GRIK4: variants seen among roughly 807,000 people sequenced by gnomAD.
GRIK4 encodes glutamate receptor ionotropic, kainate 4.
Under a neutral mutation model 104.9 loss-of-function variants are expected in GRIK4, and 40 were observed. The ratio of observed to expected loss-of-function variants is 0.38; its 90% CI spans 0.30 to 0.50. The LOEUF is 0.50. GRIK4 is among the 20% of genes least tolerant of loss of function. GRIK4 has a pLI of 0.93. For missense variants in GRIK4, 1,047 were observed against 1,308.1 expected, an observed-to-expected ratio of 0.80 and a Z score of 3.08; for synonymous variants, 485 against 524.9, an observed-to-expected ratio of 0.92 and a Z score of 1.04.
chr11:120,934,741 T>C (rs1943559259), intron 13 of GRIK4, among the ~76,000 whole-genome samples: 1 of 152,132 alleles, frequency 6.6e-6, no homozygotes, highest in African/African-American at 2.4e-5. Context: ...AGAGAGGTCT[T>C]TCTCTCGGAG....
At chr11:120,657,455 C>T (rs191078879) in intron 2 of GRIK4, among the ~76,000 whole-genome samples, 2 of 152,328 alleles carry the variant, frequency 1.3e-5, no homozygotes, top group Admixed American at 1.3e-4. Context: ...CTCTGTCTTC[C>T]TCTAGCAGGT....
At chr11:120,711,518 GTC>G (rs1170193376) in intron 3 of GRIK4, among the ~76,000 whole-genome samples, 1 of 152,148 alleles carries the variant, frequency 6.6e-6, no homozygotes, top group Non-Finnish European at 1.5e-5. Flanking sequence ...TTCAAGGGGT[GTC>G]TCTCAGGATA....
chr11:120,982,700 C>A (rs1009584768), intron 20 of GRIK4, among the ~76,000 whole-genome samples: 8 of 152,110 alleles, frequency 5.3e-5, no homozygotes, highest in Admixed American at 1.3e-4. Flanking sequence ...TCCAACCCAC[C>A]CCAGGGAAGA....
At chr11:120,578,951 CG>C (rs1387771300) in intron 1 of GRIK4, among the ~76,000 whole-genome samples, 16 of 152,160 alleles carry the variant, frequency 1.1e-4, no homozygotes, top group Admixed American at 1.0e-3. Flanking sequence ...GGTTAAGTAG[CG>C]GGGGTTGAGG....
At chr11:120,855,644 G>A (rs997212316) in intron 8 of GRIK4, among the ~76,000 whole-genome samples, 3 of 150,870 alleles carry the variant, frequency 2.0e-5, no homozygotes, top group Non-Finnish European at 4.4e-5. Flanking sequence ...CTGCGACTCT[G>A]CCTCCTGGGT....
rs1944031839 is a variant in GRIK4, at chr11:120,952,726, C to T, written c.1591-129C>T. On this transcript the variant is annotated intron_variant, in intron 14 of 20. Coordinates refer to ENST00000527524, the MANE Select transcript of GRIK4 (RefSeq NM_014619.5). This position sits in a 1 kb window ranked among gnomAD's most constrained non-coding sequence, Gnocchi z 5.2. ...TTCCCAGTGTCATTTAAACCAATCA[C>T]CCAGAACCCACAGAAATGGGAACTG... 1.4e-6 allele frequency: 1 copy of T among 732,252 alleles called. No homozygotes were observed. Among genetic ancestry groups the T allele is most frequent in the East Asian group, 2.6e-5 (1 of 38,536 alleles). The allele number at this position is 732,252 out of a possible 1,614,324, so 45.4% of individuals were successfully genotyped here.
intron 3 of GRIK4, among the ~76,000 whole-genome samples, chr11:120,801,295 AGCTCACT>A (rs1249741215): frequency 1.3e-5 from 2 of 152,158 alleles, no homozygotes; most frequent in Non-Finnish European, 2.9e-5. Context: ...ACACTGTCTC[AGCTCACT>A]GCAACCTCCA....
chr11:120,899,749 C>T (rs988181469), intron 12 of GRIK4, among the ~76,000 whole-genome samples: 2 of 152,212 alleles, frequency 1.3e-5, no homozygotes, highest in Admixed American at 6.5e-5. Context: ...CTCCCCTCCC[C>T]CTTTTAACTA....
rs2850812 is a variant in GRIK4, at chr11:120,902,393, C to T, written c.1273-2897C>T. On this transcript the variant is annotated intron_variant, in intron 12 of 20. Transcript: ENST00000527524. The surrounding 1 kb of genome is among the most constrained non-coding windows in gnomAD (Gnocchi z 4.5). ...GGGCTTTCCAACGCGTCTCCAAGAC[C>T]GGCCTTGTGTCTGTTCACTTTGAAT... 0.016 allele frequency among the ~76,000 whole-genome samples: 2,470 copies of T among 152,242 alleles called. 61 individuals are homozygous for T. The highest frequency in any genetic ancestry group is 0.053 in the African/African-American group (2,213 of 41,528).
chr11:120,612,374 A>G (rs780858115), intron 1 of GRIK4, among the ~76,000 whole-genome samples: 10 of 152,194 alleles, frequency 6.6e-5, no homozygotes, highest in Admixed American at 3.9e-4. Flanking sequence ...TCCATTCTAC[A>G]TTCCGTGAGA....
chr11:120,599,948 A>G (rs1006174076), intron 1 of GRIK4, among the ~76,000 whole-genome samples: 1 of 152,216 alleles, frequency 6.6e-6, no homozygotes, highest in South Asian at 2.1e-4. Flanking sequence ...GTATGTTTGA[A>G]CATTAGAGGC....
At chr11:120,884,425 C>T (rs929906629) in intron 11 of GRIK4, among the ~76,000 whole-genome samples, 1 of 152,160 alleles carries the variant, frequency 6.6e-6, no homozygotes, top group African/African-American at 2.4e-5. Flanking sequence ...AGCGAGACGC[C>T]CAGGGCCAGG....
At chr11:120,810,756 G>A (rs1368956242) in intron 4 of GRIK4, among the ~76,000 whole-genome samples, 2 of 152,160 alleles carry the variant, frequency 1.3e-5, no homozygotes, top group African/African-American at 4.8e-5. Flanking sequence ...CTTCATTAAT[G>A]TATTAAATAG....
At position 120,819,277 on chromosome 11, in the gene GRIK4, C is replaced by T. The variant is rs1467694497; in HGVS notation, c.346-478C>T. ...AGTTTGTTGGGAGCTGGTTACTATA[C>T]ACCTGTTGGCTGGGCTGGGCTGATG... On this transcript the variant is annotated intron_variant, in intron 5 of 20. Coordinates refer to ENST00000527524, the MANE Select transcript of GRIK4 (RefSeq NM_014619.5). The surrounding 1 kb of genome is among the most constrained non-coding windows in gnomAD (Gnocchi z 4.3). 3.3e-5 allele frequency among the ~76,000 whole-genome samples: 5 copies of T among 152,192 alleles called. No homozygotes were observed. Among genetic ancestry groups the T allele is most frequent in the Non-Finnish European group, 7.4e-5 (5 of 68,018 alleles).
intron 3 of GRIK4, among the ~76,000 whole-genome samples, chr11:120,685,516 T>G (rs1950261561): frequency 6.6e-6 from 1 of 152,200 alleles, no homozygotes; most frequent in African/African-American, 2.4e-5. Context: ...TACCCCCAGA[T>G]GATGCCATCA....
chr11:120,645,575 T>C (rs1043493256), intron 1 of GRIK4, among the ~76,000 whole-genome samples: 1 of 152,164 alleles, frequency 6.6e-6, no homozygotes, highest in Non-Finnish European at 1.5e-5. Flanking sequence ...CGGATGGGAC[T>C]TCAATGCCAG....
Position 120,953,067 on chromosome 11 carries a change from T to G in GRIK4, c.1700+103T>G. 1.4e-6 allele frequency: 1 copy of G among 740,346 alleles called. No homozygotes were observed. The highest frequency in any genetic ancestry group is 2.3e-6 in the Non-Finnish European group (1 of 431,592). The allele number at this position is 740,346 out of a possible 1,614,324, so 45.9% of individuals were successfully genotyped here. On this transcript the variant is annotated intron_variant, in intron 15 of 20. Coordinates refer to ENST00000527524, the MANE Select transcript of GRIK4 (RefSeq NM_014619.5). The surrounding 1 kb of genome is among the most constrained non-coding windows in gnomAD (Gnocchi z 4.9). ...GGAGGAGGAGAGGGGGAGGAGGAGT[T>G]GGGAAGATCTTGGTGCCAAACTAGA...
chr11:120,513,079 T>C lies in GRIK4; in HGVS notation c.-159+1192T>C, dbSNP rs953062161. Among the ~76,000 whole-genome samples, 1 of 152,114 alleles carries C rather than the reference T, an allele frequency of 6.6e-6. No individual in the cohort carries two copies. The highest frequency in any genetic ancestry group is 2.4e-5 in the African/African-American group (1 of 41,408). On this transcript the variant is annotated intron_variant, in intron 1 of 20. Coordinates refer to ENST00000527524, the MANE Select transcript of GRIK4 (RefSeq NM_014619.5). This position sits in a 1 kb window ranked among gnomAD's most constrained non-coding sequence, Gnocchi z 4.5. ...CCCTGCCTCCCTCCAGTGGCTCTCC[T>C]GGGCATGTCTCCCAAGGGTCTGGGT...
intron 3 of GRIK4, among the ~76,000 whole-genome samples, chr11:120,756,182 C>A (rs1187787142): frequency 6.6e-6 from 1 of 152,174 alleles, no homozygotes; most frequent in Admixed American, 6.5e-5. Context: ...TTTCTCCAGG[C>A]TACACCACCC....
Sources: gnomAD v4.1 joint callset for allele counts (sites outside exome capture counted in the v4.1 genomes callset) on GRCh38, gnomAD v4.1.1 for gene constraint, Gnocchi (gnomAD v3.1) non-coding constraint, MANE v1.5 for transcripts, NCBI Gene and HGNC (gene_info 2026-07-23, HGNC 2026-07-21) for gene names.